Variants in RNF150 observed in about 807,000 individuals in gnomAD.
RNF150 encodes ring finger protein 150.
RNF150 carries 24 observed loss-of-function variants against 39.3 expected under a neutral mutation model. The ratio of observed to expected loss-of-function variants is 0.61; its 90% confidence interval spans 0.44 to 0.86. RNF150 has a LOEUF of 0.86. Among genes scored for constraint, RNF150 ranks in the 40% least tolerant of loss-of-function variants. The probability of loss-of-function intolerance (pLI) is 0.00; values close to 1 mark genes in which losing one functional copy is unlikely to be tolerated. For synonymous variants in RNF150, 255 were observed against 227.3 expected (o/e 1.12, Z -1.10); for missense variants, 502 against 587.8 (o/e 0.85, Z 1.51).
chr4:141,012,073 A>G (rs1735094748), intron 1 of RNF150, among the ~76,000 whole-genome samples: 1 of 152,200 alleles, frequency 6.6e-6, no homozygotes, highest in Admixed American at 6.5e-5. Context: ...TTACTTTTTC[A>G]CTAATCACTG....
chr4:141,126,454 C>T lies in RNF150; in HGVS notation c.484+5871G>A, dbSNP rs77099882. On this transcript the variant is annotated intron_variant, in intron 1 of 6. Transcript: ENST00000515673. ...TTCTATTCTTATGAATTTGTTTTTC[C>T]TGTGCTGAACCAAGTCTGTTTCCGT... Among the ~76,000 whole-genome samples the T allele has an allele frequency of 1.2e-3, 183 of 152,288 alleles. 4 individuals carry two copies. In the East Asian group the frequency reaches 0.026, roughly 21 times the overall value.
At chr4:140,966,804 C>A (rs1267643435) in intron 2 of RNF150, among the ~76,000 whole-genome samples, 1 of 152,142 alleles carries the variant, frequency 6.6e-6, no homozygotes, top group Non-Finnish European at 1.5e-5. Context: ...AATGTATATG[C>A]CATTGCCCTG....
intron 6 of RNF150, among the ~76,000 whole-genome samples, chr4:140,893,957 C>T (rs1192497802): frequency 6.6e-6 from 1 of 152,132 alleles, no homozygotes; most frequent in Non-Finnish European, 1.5e-5. Context: ...CTAAACAAGT[C>T]CATAGGGAGT....
chr4:141,054,426 G>C (rs1736891890), intron 1 of RNF150, among the ~76,000 whole-genome samples: 1 of 151,970 alleles, frequency 6.6e-6, no homozygotes, highest in Admixed American at 6.6e-5. Flanking sequence ...TTCTCCCTTA[G>C]CCCATATATA....
At chr4:140,999,465 G>A (rs1734495359) in intron 1 of RNF150, among the ~76,000 whole-genome samples, 1 of 152,192 alleles carries the variant, frequency 6.6e-6, no homozygotes. Context: ...TTTACATGAT[G>A]TAGCAACATC....
rs1310970883 is a variant in RNF150, at chr4:140,947,676, C to T, written c.868G>A (p.Val290Ile). 2.0e-5 allele frequency: 33 copies of T among 1,610,562 alleles called. No homozygotes were observed. The highest frequency in any genetic ancestry group is 2.7e-5 in the African/African-American group (2 of 74,748). Residue 290 changes from valine (V) to isoleucine (I), a missense_variant, in exon 4 of 7, where the codon GTT (valine) becomes ATT (isoleucine). Val to Ile is a conservative substitution (Grantham distance 29). Coordinates refer to ENST00000515673, the MANE Select transcript of RNF150 (RefSeq NM_020724.2). ...CACCGGCAGGGCAGGATCCGGACAA[C>T]GTCATTGGGCTTGTACCCTTCAATA... ...VCIEGYKPND[V>I]VRILPCRHLF... is the part of the protein sequence containing the mutation.
At chr4:141,146,797 A>G (rs1401623477) in intron 1 of RNF150, among the ~76,000 whole-genome samples, 3 of 152,158 alleles carry the variant, frequency 2.0e-5, no homozygotes, top group African/African-American at 7.2e-5. Flanking sequence ...TGTTATCTCC[A>G]CTAAGAGAAG....
In RNF150 at chr4:140,955,144, C is replaced by T. The variant is rs138797992; in HGVS notation, c.736-5772G>A. The stretch of plus-strand genomic sequence containing the variant: ...ACTCTAATACATAATAATGATCCTT[C>T]CAGGACTGGTTGATATGATAGAAGT... On this transcript the variant is annotated intron_variant, in intron 2 of 6. Coordinates refer to ENST00000515673, the MANE Select transcript of RNF150 (RefSeq NM_020724.2). 2.9e-3 allele frequency among the ~76,000 whole-genome samples: 442 copies of T among 152,274 alleles called. 2 individuals are homozygous for T. The highest frequency in any genetic ancestry group is 6.8e-3 in the Middle Eastern group (2 of 294).
intron 1 of RNF150, among the ~76,000 whole-genome samples, chr4:141,185,545 G>T (rs368588120): frequency 2.0e-5 from 3 of 152,000 alleles, no homozygotes; most frequent in African/African-American, 7.3e-5. Context: ...TCATTGTCCT[G>T]GTCCAAACTT....
chr4:140,980,770 C>A (rs75696594), intron 1 of RNF150, among the ~76,000 whole-genome samples: 2,611 of 152,198 alleles, frequency 0.017, 65 homozygotes, highest in African/African-American at 0.059. Context: ...CCTCCCCAGC[C>A]CTATGGAACT....
chr4:141,033,855 TA>T (rs1366247422), intron 1 of RNF150, among the ~76,000 whole-genome samples: 1 of 152,194 alleles, frequency 6.6e-6, no homozygotes, highest in African/African-American at 2.4e-5. Context: ...AACCATGCTG[TA>T]AACAGATACA....
At chr4:140,918,211 T>C (rs1360452465) in intron 5 of RNF150, among the ~76,000 whole-genome samples, 1 of 151,650 alleles carries the variant, frequency 6.6e-6, no homozygotes, top group Non-Finnish European at 1.5e-5. Context: ...CTGAAGGAAA[T>C]AGAGACACAA....
At chr4:141,201,475 TCTC>T (rs1159589843) in intron 1 of RNF150, among the ~76,000 whole-genome samples, 1 of 152,144 alleles carries the variant, frequency 6.6e-6, no homozygotes, top group Non-Finnish European at 1.5e-5. Flanking sequence ...GAATGACAAT[TCTC>T]CTTGTAATTT....
intron 1 of RNF150, among the ~76,000 whole-genome samples, chr4:141,127,234 C>CTA (rs1404888029): frequency 6.6e-6 from 1 of 152,134 alleles, no homozygotes; most frequent in Non-Finnish European, 1.5e-5. Context: ...GTAAGGGTAC[C>CTA]TATTTCACAG....
chr4:141,103,110 C>G (rs965356127), intron 1 of RNF150, among the ~76,000 whole-genome samples: 2 of 152,190 alleles, frequency 1.3e-5, no homozygotes, highest in African/African-American at 4.8e-5. Flanking sequence ...ATCAGTTGTA[C>G]TCATATTGCT....
chr4:141,140,039 G>A (rs960069172), intron 1 of RNF150, among the ~76,000 whole-genome samples: 18 of 152,092 alleles, frequency 1.2e-4, no homozygotes, highest in African/African-American at 4.3e-4. Context: ...GTGGTGGGGC[G>A]CGTTGCTTCT....
intron 1 of RNF150, among the ~76,000 whole-genome samples, chr4:141,185,255 A>G (rs1727983128): frequency 6.6e-6 from 1 of 151,900 alleles, no homozygotes; most frequent in Admixed American, 6.6e-5. Flanking sequence ...GTCCCTTGTA[A>G]GTTGTATTCC....
intron 1 of RNF150, among the ~76,000 whole-genome samples, chr4:141,155,890 A>G (rs1325510812): frequency 1.3e-5 from 2 of 151,144 alleles, no homozygotes; most frequent in African/African-American, 4.9e-5. Context: ...AGTCTTTCAA[A>G]AGGACAGGTT....
chr4:141,105,893 T>C (rs570373126), intron 1 of RNF150, among the ~76,000 whole-genome samples: 3 of 152,294 alleles, frequency 2.0e-5, no homozygotes, highest in East Asian at 1.9e-4. Context: ...TTCTTAAATA[T>C]AGCTCTGACA....
Sources: gnomAD v4.1 joint callset for allele counts (sites outside exome capture counted in the v4.1 genomes callset) on GRCh38, gnomAD v4.1.1 for gene constraint, MANE v1.5 for transcripts, NCBI Gene and HGNC (gene_info 2026-07-23, HGNC 2026-07-21) for gene names.